Variants in ADAM15 observed in about 807,000 individuals in gnomAD.
The protein encoded by ADAM15 is ADAM metallopeptidase domain 15.
Under a neutral mutation model 113.8 loss-of-function variants are expected in ADAM15, and 77 were observed. The observed-to-expected ratio is 0.68, with a 90% CI of 0.56 to 0.82. The LOEUF (loss-of-function observed/expected upper bound fraction) is 0.82. Among genes scored for constraint, ADAM15 ranks in the 40% least tolerant of loss-of-function variants. The pLI, the probability that ADAM15 is intolerant of heterozygous loss-of-function variation, is 0.00. For synonymous variants in ADAM15, 388 were observed against 454.1 expected, an observed-to-expected ratio of 0.85 and a Z score of 1.85; for missense variants, 963 against 1,120.1, an observed-to-expected ratio of 0.86 and a Z score of 2.00.
chr1:155,052,696 G>C lies in ADAM15; in HGVS notation c.105G>C (p.Glu35Asp), dbSNP rs751061570. The C allele has an allele frequency of 3.7e-6, 6 of 1,610,474 alleles. No individual in the cohort carries two copies. The South Asian group carries it at 6.6e-5, about 18-fold the overall frequency. Reference sequence around the variant, plus strand: ...GTGGCACTGAGGAGCAGCAGGCAGAGTCAGAGAAGGCCCCGAGGGAGCCCT... The same window carrying C: ...GTGGCACTGAGGAGCAGCAGGCAGACTCAGAGAAGGCCCCGAGGGAGCCCT... The part of the protein sequence containing the change: ...NIGGTEEQQA[E>D]SEKAPREPLE... Residue 35 changes from glutamate (E) to aspartate (D), a missense_variant, in exon 2 of 23, where the codon GAG (glutamate) becomes GAC (aspartate). Glu to Asp is a conservative substitution (Grantham distance 45). Coordinates refer to ENST00000356955, the MANE Select transcript of ADAM15 (RefSeq NM_207197.3).
chr1:155,061,694 G>A, intron 20 of ADAM15: 1 of 767,028 alleles, frequency 1.3e-6, no homozygotes, highest in Non-Finnish European at 2.1e-6. Context: ...GTCAATGGCG[G>A]GACTGCAGTC....
Position 155,058,555 on chromosome 1 carries a change from C to T in ADAM15, c.1917+114C>T, listed in dbSNP as rs111829929. ...CAAAGGCAGGGACTCCAAGGGAAGT[C>T]AGTTTCTTACTTCAGATGGAGCAAA... On this transcript the variant is annotated intron_variant, in intron 15 of 22. Coordinates refer to ENST00000356955, the MANE Select transcript of ADAM15 (RefSeq NM_207197.3). The surrounding 1 kb of genome is among the most constrained non-coding windows in gnomAD (Gnocchi z 4.3). 50,805 of 1,549,812 alleles carry T rather than the reference C, an allele frequency of 0.033. 949 individuals are homozygous for T. The highest frequency in any genetic ancestry group is 0.039 in the Non-Finnish European group (44,633 of 1,148,932).
Position 155,057,927 on chromosome 1 carries a change from C to T in ADAM15, c.1493C>T (p.Ser498Phe). Residue 498 changes from serine (S) to phenylalanine (F), a missense_variant, in exon 14 of 23, where the codon TCC (serine) becomes TTC (phenylalanine). By Grantham distance (155) the Ser-to-Phe change is radical. Transcript: ENST00000356955. This position sits in a 1 kb window ranked among gnomAD's most constrained non-coding sequence, Gnocchi z 5.0. ...CCTGAATTCTGCCCAGGAGACAGCT[C>T]CCAGTGTCCCCCTGATGTCAGCCTA... is the stretch of plus-strand genomic sequence containing the variant. ...DLPEFCPGDS[S>F]QCPPDVSLGD... 1 of 1,612,530 alleles carries T rather than the reference C, an allele frequency of 6.2e-7. No homozygotes were observed. The highest frequency in any genetic ancestry group is 8.5e-7 in the Non-Finnish European group (1 of 1,180,032).
chr1:155,061,709 A>G (rs1662639656), intron 20 of ADAM15, 195 bp from the exon 21 acceptor site: 2 of 781,000 alleles, frequency 2.6e-6, no homozygotes, highest in Non-Finnish European at 4.0e-6. Flanking sequence ...GCAGTCGGCC[A>G]GGGACTGCGG....
chr1:155,054,252 T>C, intron 5 of ADAM15, 26 bp downstream of exon 5: 1 of 1,586,628 alleles, frequency 6.3e-7, no homozygotes, highest in Non-Finnish European at 8.6e-7. Context: ...TTAATGACAG[T>C]AGAGAAAGTA....
At chr1:155,053,823 G>A in intron 3 of ADAM15, 87 bp from the exon 4 acceptor site, 1 of 1,498,096 alleles carries the variant, frequency 6.7e-7, no homozygotes, top group East Asian at 2.3e-5. Context: ...CTGGTCCCCA[G>A]CCCCACAACC....
rs565764861 is a variant in ADAM15, at chr1:155,052,451, T to C, written c.80-220T>C. On this transcript the variant is annotated intron_variant, in intron 1 of 22. Transcript: ENST00000356955. The stretch of plus-strand genomic sequence containing the variant: ...AGGCTGCGCAAGCCGAAAGTCTTTC[T>C]TGGGGACTTGTGAATGGGTTGGTGG... 328 of 1,502,660 alleles carry C rather than the reference T, an allele frequency of 2.2e-4. 1 individual carries two copies. Among genetic ancestry groups the C allele is most frequent in the African/African-American group, 1.9e-3 (136 of 72,178 alleles). The allele number at this position is 1,502,660 out of a possible 1,614,324, so 93.1% of individuals were successfully genotyped here.
At chr1:155,053,540 G>A (rs781206952) in intron 3 of ADAM15, 47 bp downstream of exon 3, 1 of 1,592,016 alleles carries the variant, frequency 6.3e-7, no homozygotes. Context: ...CCAACAACTT[G>A]TATAGCATTT....
At position 155,062,338 on chromosome 1, in the gene ADAM15, G is replaced by A; in HGVS notation, c.2518G>A (p.Ala840Thr). The A allele has an allele frequency of 6.4e-7, 1 of 1,559,428 alleles. No homozygotes were observed. Among genetic ancestry groups the A allele is most frequent in the East Asian group, 2.3e-5 (1 of 43,070 alleles). ...ATCGGGTGACCTGCCCGGCCCAGGGGCTGGAATCCCGCCCCTAGTGGTACC... is the reference window on the plus strand; with the variant it reads ...ATCGGGTGACCTGCCCGGCCCAGGGACTGGAATCCCGCCCCTAGTGGTACC... ...CPSGDLPGPG[A>T]GIPPLVVPSR... The change falls in exon 22 of 23, where the codon GCT (alanine) becomes ACT (threonine). Residue 840 changes from alanine to threonine, a missense_variant. Coordinates refer to ENST00000356955, the MANE Select transcript of ADAM15 (RefSeq NM_207197.3). This position sits in a 1 kb window ranked among gnomAD's most constrained non-coding sequence, Gnocchi z 7.0.
chr1:155,057,033 G>T lies in ADAM15; in HGVS notation c.1080G>T (p.Leu360Phe), dbSNP rs531634101. ...ACAGCCTGGGCCTGGACCATGATTTGCCTGGGAATAGCTGCCCCTGTCCAG... is the reference window on the plus strand; with the variant it reads ...ACAGCCTGGGCCTGGACCATGATTTTCCTGGGAATAGCTGCCCCTGTCCAG... ...LGHSLGLDHD[L>F]PGNSCPCPGP... is the part of the protein sequence containing the mutation. The change falls in exon 11 of 23, where the codon TTG (leucine) becomes TTT (phenylalanine). Residue 360 changes from leucine to phenylalanine, a missense_variant. Transcript: ENST00000356955. This position sits in a 1 kb window ranked among gnomAD's most constrained non-coding sequence, Gnocchi z 5.0. 4 of 1,607,602 alleles carry T rather than the reference G, an allele frequency of 2.5e-6. No individual in the cohort carries two copies. Among genetic ancestry groups the T allele is most frequent in the Admixed American group, 1.7e-5 (1 of 59,288 alleles).
intron 3 of ADAM15, 133 bp from the exon 4 acceptor site, chr1:155,053,777 G>A (rs1231718550): frequency 1.7e-5 from 17 of 1,011,980 alleles, no homozygotes; most frequent in Middle Eastern, 2.9e-4. Flanking sequence ...TTGCTGCCCC[G>A]GGGTCAGGAG....
Position 155,060,294 on chromosome 1 carries a change from C to T in ADAM15, c.2158C>T (p.Arg720Cys), listed in dbSNP as rs184882573. ...MLGASYWYRARLHQRLCQLKG... is the reference protein window; with the variant it reads ...MLGASYWYRACLHQRLCQLKG... Reference sequence around the variant, plus strand: ...TGGTGCCAGCTACTGGTACCGTGCCCGCCTGCACCAGCGACTCTGCCAGCT... The same window carrying T: ...TGGTGCCAGCTACTGGTACCGTGCCTGCCTGCACCAGCGACTCTGCCAGCT... The change falls in exon 18 of 23, where the codon CGC becomes TGC. Residue 720 changes from arginine (R) to cysteine (C), a missense_variant. Coordinates refer to ENST00000356955, the MANE Select transcript of ADAM15 (RefSeq NM_207197.3). 10 of 1,614,096 alleles carry T rather than the reference C, an allele frequency of 6.2e-6. No individual in the cohort carries two copies. Among genetic ancestry groups the T allele is most frequent in the Admixed American group, 3.3e-5 (2 of 60,008 alleles).
intron 16 of ADAM15, among the ~76,000 whole-genome samples, chr1:155,059,202 G>A (rs1437115294): frequency 6.6e-6 from 1 of 152,100 alleles, no homozygotes; most frequent in Non-Finnish European, 1.5e-5. Context: ...CTACTCGCTG[G>A]GATTACAGTC....
rs1394565252 is a variant in ADAM15 at position 155,062,574 on chromosome 1, C to T, written c.*72C>T. 4.2e-5 allele frequency: 65 copies of T among 1,566,238 alleles called. No homozygotes were observed. The highest frequency in any genetic ancestry group is 4.0e-5 in the Non-Finnish European group (46 of 1,152,056). On this transcript the variant is annotated 3_prime_UTR_variant, in exon 23 of 23. Coordinates refer to ENST00000356955, the MANE Select transcript of ADAM15 (RefSeq NM_207197.3). This position sits in a 1 kb window ranked among gnomAD's most constrained non-coding sequence, Gnocchi z 7.0. The stretch of plus-strand genomic sequence containing the variant: ...GAGGCGGGCGTGCCCTCTGGAGTCC[C>T]CTACCATGACTGAAGGCGCCAGAGA...
Position 155,060,203 on chromosome 1 carries a change from A to G in ADAM15, c.2069-2A>G. 1 of 1,613,744 alleles carries G rather than the reference A, an allele frequency of 6.2e-7. No homozygotes were observed. Among genetic ancestry groups the G allele is most frequent in the Non-Finnish European group, 8.5e-7 (1 of 1,179,792 alleles). On this transcript the variant is annotated splice_acceptor_variant, in intron 17 of 22. Transcript: ENST00000356955. LOFTEE classifies it high-confidence loss of function. ...TCCCTTAAACCTGACTTCCGCCCACAGCAACCAGCTCCCTGACCACAGGGC... is the reference window on the plus strand; with the variant it reads ...TCCCTTAAACCTGACTTCCGCCCACGGCAACCAGCTCCCTGACCACAGGGC...
At chr1:155,053,637 AC>A in intron 3 of ADAM15, 144 bp downstream of exon 3, 2 of 921,438 alleles carry the variant, frequency 2.2e-6, no homozygotes, top group Non-Finnish European at 3.4e-6. Flanking sequence ...TATTGTCCTC[AC>A]TTTATACATG....
rs113851811 is a variant in ADAM15, at chr1:155,059,947, C to A, written c.2041C>A (p.Pro681Thr). 9 of 1,614,040 alleles carry A rather than the reference C, an allele frequency of 5.6e-6. No homozygotes were observed. In the Middle Eastern group the frequency reaches 4.9e-4, roughly 89 times the overall value. ...RHCYCEEGWA[P>T]PDCTTQLKAT... is the part of the protein sequence containing the mutation. ...CTGCTACTGTGAGGAGGGCTGGGCA[C>A]CCCCTGACTGCACCACTCAGCTCAA... Residue 681 changes from proline to threonine, a missense_variant, in exon 17 of 23, where the codon CCC (proline) becomes ACC (threonine). Pro to Thr is a conservative substitution (Grantham distance 38). Transcript: ENST00000356955.
Position 155,054,429 on chromosome 1 carries a change from T to G in ADAM15, c.535T>G (p.Cys179Gly), listed in dbSNP as rs1215443713. Residue 179 changes from cysteine (C) to glycine (G), a missense_variant, in exon 6 of 23, where the codon TGT becomes GGT. Physicochemically the swap from Cys to Gly is radical, Grantham distance 159. Transcript: ENST00000356955. The part of the protein sequence containing the change: ...IQDLHLPGHT[C>G]ALSWRESVHT... ...AGATCTCCACCTGCCAGGCCACACC[T>G]GTGCCCTGAGCTGGCGGGAATCTGT... 2.5e-6 allele frequency: 4 copies of G among 1,613,806 alleles called. No homozygotes were observed. Among genetic ancestry groups the G allele is most frequent in the Non-Finnish European group, 3.4e-6 (4 of 1,179,844 alleles).
intron 20 of ADAM15, 151 bp from the exon 21 acceptor site, chr1:155,061,753 T>C: frequency 1.1e-6 from 1 of 940,744 alleles, no homozygotes; most frequent in Non-Finnish European, 1.6e-6. Context: ...AGACATCAGC[T>C]GGCATGCCTC....
Sources: allele counts gnomAD v4.1 joint callset (sites outside exome capture counted in the v4.1 genomes callset), GRCh38; gene constraint gnomAD v4.1.1; non-coding constraint Gnocchi (gnomAD v3.1); transcripts MANE v1.5; gene names NCBI Gene and HGNC (gene_info 2026-07-23, HGNC 2026-07-21).